Variants in PDE5A observed in about 807,000 individuals in gnomAD.
PDE5A encodes the protein phosphodiesterase 5A, also known as cGMP-specific 3',5'-cyclic phosphodiesterase.
Under a neutral mutation model 110.2 loss-of-function variants are expected in PDE5A, and 67 were observed. That is an observed-to-expected ratio of 0.61 (90% confidence interval 0.50 to 0.75). PDE5A has a LOEUF of 0.75. PDE5A is among the 30% of genes least tolerant of loss of function. The pLI, the probability that PDE5A is intolerant of heterozygous loss-of-function variation, is 0.00. For missense variants in PDE5A, 862 were observed against 1,045.1 expected, an observed-to-expected ratio of 0.82 and a Z score of 2.42; for synonymous variants, 328 against 351.2, an observed-to-expected ratio of 0.93 and a Z score of 0.74.
intron 1 of PDE5A, among the ~76,000 whole-genome samples, chr4:119,621,180 A>G (rs1730129452): frequency 6.6e-6 from 1 of 152,258 alleles, no homozygotes; most frequent in Non-Finnish European, 1.5e-5. Context: ...TAACATTAAA[A>G]TAAAAGGAAG....
chr4:119,501,718 A>AACTC (rs1287143946), intron 19 of PDE5A, among the ~76,000 whole-genome samples: 3 of 152,026 alleles, frequency 2.0e-5, no homozygotes, highest in East Asian at 3.8e-4. Flanking sequence ...ATTTCAAGGA[A>AACTC]ACTCATTCCA....
intron 10 of PDE5A, chr4:119,542,003 T>A (rs1407776878): frequency 6.6e-6 from 1 of 152,656 alleles, no homozygotes; most frequent in African/African-American, 2.4e-5. Context: ...TTTCGTTGAT[T>A]TTATTTTTTC....
At position 119,607,011 on chromosome 4, in the gene PDE5A, C is replaced by G. The variant is rs759447201; in HGVS notation, c.439G>C (p.Asp147His). The G allele has an allele frequency of 3.1e-6, 5 of 1,614,058 alleles. No individual in the cohort carries two copies. Among genetic ancestry groups the G allele is most frequent in the Middle Eastern group, 1.6e-4 (1 of 6,084 alleles). Residue 147 changes from aspartate (D) to histidine (H), a missense_variant, in exon 2 of 21, where the codon GAC (aspartate) becomes CAC (histidine). Transcript: ENST00000354960. Reference protein sequence around the residue: ...TPPRFDHDEGDQCSRLLELVK... With the variant: ...TPPRFDHDEGHQCSRLLELVK... ...AATTCCAAGAGTCTTGAGCACTGGT[C>G]CCCTTCATCATGATCAAACCTTGGA...
intron 11 of PDE5A, among the ~76,000 whole-genome samples, chr4:119,530,704 T>C (rs926901035): frequency 6.6e-6 from 1 of 152,146 alleles, no homozygotes; most frequent in African/African-American, 2.4e-5. Context: ...AAATATTGAA[T>C]GAATAAATAA....
At chr4:119,502,547 T>G in intron 19 of PDE5A, 34 bp downstream of exon 19, 1 of 1,289,470 alleles carries the variant, frequency 7.8e-7, no homozygotes, top group Non-Finnish European at 1.1e-6. Context: ...AAAAACAATT[T>G]GAATAATTCC....
chr4:119,528,581 G>A (rs891910894), intron 11 of PDE5A, among the ~76,000 whole-genome samples: 1 of 152,096 alleles, frequency 6.6e-6, no homozygotes, highest in Admixed American at 6.6e-5. Flanking sequence ...GGCTATTGGG[G>A]GTGCTAGTCC....
chr4:119,501,469 T>C (rs1314675988), intron 19 of PDE5A, among the ~76,000 whole-genome samples: 1 of 152,128 alleles, frequency 6.6e-6, no homozygotes, highest in Admixed American at 6.6e-5. Flanking sequence ...CTGGCTGATT[T>C]TTTATTTTTA....
At chr4:119,582,009 G>A (rs960047967) in intron 3 of PDE5A, among the ~76,000 whole-genome samples, 1 of 152,196 alleles carries the variant, frequency 6.6e-6, no homozygotes, top group African/African-American at 2.4e-5. Flanking sequence ...GGTTGCTGAC[G>A]GACGGGGCTG....
chr4:119,613,911 C>T (rs1445665090), intron 1 of PDE5A, among the ~76,000 whole-genome samples: 1 of 151,964 alleles, frequency 6.6e-6, no homozygotes, highest in Non-Finnish European at 1.5e-5. Flanking sequence ...ATTCCAGGTA[C>T]TATACCCTAT....
intron 12 of PDE5A, among the ~76,000 whole-genome samples, chr4:119,522,727 G>C (rs1021168821): frequency 6.6e-6 from 1 of 151,942 alleles, no homozygotes; most frequent in African/African-American, 2.4e-5. Flanking sequence ...TTTAGATTCT[G>C]TTACCAGGAT....
At chr4:119,504,170 T>C (rs1307034853) in intron 18 of PDE5A, among the ~76,000 whole-genome samples, 3 of 152,060 alleles carry the variant, frequency 2.0e-5, no homozygotes, top group Non-Finnish European at 4.4e-5. Context: ...ACCTACTGTT[T>C]GGCTCCCACT....
At chr4:119,607,996 T>C (rs1430020465) in intron 1 of PDE5A, among the ~76,000 whole-genome samples, 1 of 152,166 alleles carries the variant, frequency 6.6e-6, no homozygotes, top group East Asian at 1.9e-4. Flanking sequence ...AAGTTAAATA[T>C]TTGAAAACTA....
intron 11 of PDE5A, chr4:119,527,200 C>A (rs1464234944): frequency 6.6e-6 from 1 of 152,128 alleles, no homozygotes; most frequent in Non-Finnish European, 1.5e-5. Flanking sequence ...AGGATGGAAG[C>A]CAGCATAGCT....
At chr4:119,531,579 A>G (rs1022963940) in intron 11 of PDE5A, among the ~76,000 whole-genome samples, 1 of 152,124 alleles carries the variant, frequency 6.6e-6, no homozygotes, top group African/African-American at 2.4e-5. Flanking sequence ...GCCTGGCCAA[A>G]AAAATGAGTG....
intron 2 of PDE5A, among the ~76,000 whole-genome samples, chr4:119,601,321 A>G (rs1156876456): frequency 6.6e-6 from 1 of 152,066 alleles, no homozygotes; most frequent in African/African-American, 2.4e-5. Context: ...TCATACCTAC[A>G]TAATAAAACC....
chr4:119,536,448 G>A, intron 11 of PDE5A, among the ~76,000 whole-genome samples: 1 of 152,112 alleles, frequency 6.6e-6, no homozygotes, highest in Non-Finnish European at 1.5e-5. Flanking sequence ...CTTCTAGGAA[G>A]AATAGACAAA....
chr4:119,505,224 CTA>C lies in PDE5A; in HGVS notation c.2268-627_2268-626del, dbSNP rs143341044. On this transcript the variant is annotated intron_variant, in intron 17 of 20. Transcript: ENST00000354960. ...ATGATTTAATTCTCTACATTGAACT[CTA>C]TGCTTCAGTTGGAATTTAAGTCTGT... Among the ~76,000 whole-genome samples the C allele has an allele frequency of 5.8e-3, 879 of 152,018 alleles. 13 individuals are homozygous for C. The highest frequency in any genetic ancestry group is 0.019 in the African/African-American group (805 of 41,526).
In PDE5A at chr4:119,505,931, T is replaced by G; in HGVS notation, c.2191A>C (p.Arg731=). The G allele has an allele frequency of 6.5e-7, 1 of 1,542,390 alleles. No individual in the cohort carries two copies. The highest frequency in any genetic ancestry group is 8.8e-7 in the Non-Finnish European group (1 of 1,138,394). ...LATDLALYIK[R]RGEFFELIRK... ...ATAAGTTCAAAAAATTCTCCTCGCC[T>G]CCTACAATGTTTAAAAAAAAATTGT... The change falls in exon 17 of 21, where the codon AGG becomes CGG. Residue 731 remains arginine, a splice_region_variant and synonymous_variant. Coordinates refer to ENST00000354960, the MANE Select transcript of PDE5A (RefSeq NM_001083.4).
intron 10 of PDE5A, among the ~76,000 whole-genome samples, chr4:119,541,176 C>T (rs991114373): frequency 6.6e-6 from 1 of 151,876 alleles, no homozygotes; most frequent in Non-Finnish European, 1.5e-5. Flanking sequence ...TTTCTGTCTA[C>T]TTCTGTATAT....
Sources: gnomAD v4.1 joint callset for allele counts (sites outside exome capture counted in the v4.1 genomes callset) on GRCh38, gnomAD v4.1.1 for gene constraint, MANE v1.5 for transcripts, NCBI Gene and HGNC (gene_info 2026-07-23, HGNC 2026-07-21) for gene names.